PEAK1: variants seen among roughly 807,000 people sequenced by gnomAD.
The protein encoded by PEAK1 is inactive tyrosine-protein kinase PEAK1.
PEAK1 carries 54 observed loss-of-function variants against 124.7 expected under a neutral mutation model. The observed-to-expected ratio is 0.43, with a 90% confidence interval of 0.35 to 0.54. The LOEUF is 0.54. PEAK1 is among the 20% of genes least tolerant of loss of function. PEAK1 has a pLI of 0.01. For missense variants in PEAK1, 2,046 were observed against 2,134.5 expected (o/e 0.96, Z 0.82); for synonymous variants, 719 against 760.0 (o/e 0.95, Z 0.89).
chr15:77,356,461 CTTTAAG>C (rs1418346025), intron 2 of PEAK1, among the ~76,000 whole-genome samples: 12 of 152,140 alleles, frequency 7.9e-5, no homozygotes, highest in Admixed American at 2.0e-4. Context: ...CGTATTATAA[CTTTAAG>C]TTTAACATTC....
intron 1 of PEAK1, among the ~76,000 whole-genome samples, chr15:77,393,266 T>G (rs1013753329): frequency 6.6e-6 from 1 of 151,726 alleles, no homozygotes; most frequent in Non-Finnish European, 1.5e-5. Context: ...CTTTGGGGAG[T>G]ACACAACCTA....
intron 6 of PEAK1, among the ~76,000 whole-genome samples, chr15:77,182,807 C>T (rs372668068): frequency 6.8e-6 from 1 of 146,938 alleles, no homozygotes; most frequent in Non-Finnish European, 1.5e-5. Flanking sequence ...CATGCAAGGC[C>T]TTTTAGGCTT....
chr15:77,261,995 T>C (rs2061466202), intron 5 of PEAK1, among the ~76,000 whole-genome samples: 1 of 152,116 alleles, frequency 6.6e-6, no homozygotes, highest in African/African-American at 2.4e-5. Flanking sequence ...CACAATTTCA[T>C]ATCCAGCCAA....
intron 2 of PEAK1, among the ~76,000 whole-genome samples, chr15:77,304,708 A>G (rs1414461935): frequency 6.6e-6 from 1 of 152,010 alleles, no homozygotes; most frequent in African/African-American, 2.4e-5. Context: ...CGGCCTCCCA[A>G]AGTGATGGGA....
chr15:77,123,094 AG>A (rs1457174791), intron 9 of PEAK1, among the ~76,000 whole-genome samples: 2 of 152,182 alleles, frequency 1.3e-5, no homozygotes, highest in African/African-American at 4.8e-5. Context: ...CTTTTGTAAC[AG>A]GGAAGTGTAC....
intron 2 of PEAK1, among the ~76,000 whole-genome samples, chr15:77,356,334 T>G (rs1484371634): frequency 6.6e-6 from 1 of 152,108 alleles, no homozygotes; most frequent in Non-Finnish European, 1.5e-5. Flanking sequence ...ATCATTCAAC[T>G]GGCAAAATTT....
At chr15:77,420,668 AGGCTCACCTTGCGTAACCAC>A (rs2073295056), upstream of PEAK1, 3 of 392,990 alleles carry the variant, frequency 7.6e-6, no homozygotes, top group African/African-American at 2.1e-5. Flanking sequence ...CACGAAAATA[AGGCTCACCTTGCGTAACCAC>A]GTAGTCCTTC....
At chr15:77,361,304 G>A (rs1027073229) in intron 2 of PEAK1, among the ~76,000 whole-genome samples, 2 of 151,958 alleles carry the variant, frequency 1.3e-5, no homozygotes, top group Admixed American at 6.6e-5. Flanking sequence ...ATTAGCCATC[G>A]TGGTACATAC....
At chr15:77,150,992 T>C (rs1331556905) in intron 8 of PEAK1, among the ~76,000 whole-genome samples, 5 of 152,138 alleles carry the variant, frequency 3.3e-5, no homozygotes, top group Admixed American at 2.6e-4. Flanking sequence ...TGTGTCTTTA[T>C]AGCAGCATGA....
At chr15:77,263,016 T>G (rs369382097) in intron 5 of PEAK1, among the ~76,000 whole-genome samples, 1 of 151,960 alleles carries the variant, frequency 6.6e-6, no homozygotes. Context: ...GGGTACATAA[T>G]GAAATGAAGG....
chr15:77,186,901 T>C (rs2057574761), intron 6 of PEAK1, among the ~76,000 whole-genome samples: 1 of 152,172 alleles, frequency 6.6e-6, no homozygotes, highest in Admixed American at 6.5e-5. Flanking sequence ...TCAGTGGCAA[T>C]CAATAACTAG....
At chr15:77,382,842 C>A (rs370709888) in intron 1 of PEAK1, among the ~76,000 whole-genome samples, 1 of 151,960 alleles carries the variant, frequency 6.6e-6, no homozygotes, top group African/African-American at 2.4e-5. Context: ...TTTTCCATAC[C>A]GGGCTCAATG....
chr15:77,298,011 T>C (rs1191143319), intron 2 of PEAK1, among the ~76,000 whole-genome samples: 18 of 131,078 alleles, frequency 1.4e-4, no homozygotes, highest in African/African-American at 5.0e-4. Context: ...TGAGCCGAGA[T>C]TGCGCCACTG....
chr15:77,147,971 A>G (rs2054292696), intron 8 of PEAK1, among the ~76,000 whole-genome samples: 1 of 152,158 alleles, frequency 6.6e-6, no homozygotes, highest in African/African-American at 2.4e-5. Context: ...GAGGAAGTGA[A>G]TTTTTATTTT....
At chr15:77,414,384 T>G (rs993289774) in intron 1 of PEAK1, among the ~76,000 whole-genome samples, 19 of 148,424 alleles carry the variant, frequency 1.3e-4, no homozygotes, top group Non-Finnish European at 2.2e-4. Flanking sequence ...TAATTTTTTG[T>G]ATTTTTTTTT....
At chr15:77,122,509 C>T (rs547288567) in intron 9 of PEAK1, among the ~76,000 whole-genome samples, 1 of 152,294 alleles carries the variant, frequency 6.6e-6, no homozygotes, top group African/African-American at 2.4e-5. Context: ...ATTAGGAATT[C>T]AATTAACTTG....
intron 5 of PEAK1, among the ~76,000 whole-genome samples, chr15:77,268,210 C>G (rs545304526): frequency 4.9e-4 from 74 of 152,286 alleles, no homozygotes; most frequent in Non-Finnish European, 9.3e-4. Context: ...CACAGTGGCT[C>G]ACGCCTATAA....
At chr15:77,265,133 A>T (rs972747001) in intron 5 of PEAK1, among the ~76,000 whole-genome samples, 1 of 152,180 alleles carries the variant, frequency 6.6e-6, no homozygotes, top group African/African-American at 2.4e-5. Context: ...TAAACGTTAG[A>T]CCTAAAACCA....
At chr15:77,155,115 G>C (rs557433468) in intron 8 of PEAK1, 1 of 152,166 alleles carries the variant, frequency 6.6e-6, no homozygotes, top group African/African-American at 2.4e-5. Flanking sequence ...TCACTTTCAG[G>C]TACACCAATC....
Sources: gnomAD v4.1 joint callset for allele counts (sites outside exome capture counted in the v4.1 genomes callset) on GRCh38, gnomAD v4.1.1 for gene constraint, MANE v1.5 for transcripts, NCBI Gene and HGNC (gene_info 2026-07-23, HGNC 2026-07-21) for gene names.